SGCZ: variants seen among roughly 807,000 people sequenced by gnomAD.
SGCZ encodes the protein sarcoglycan zeta.
Under a neutral mutation model 41.3 loss-of-function variants are expected in SGCZ, and 40 were observed. The observed-to-expected ratio is 0.97, with a 90% CI of 0.75 to 1.26. SGCZ has a LOEUF of 1.26. SGCZ is among the 50% of genes most tolerant of loss of function. The pLI is 0.00. For missense variants in SGCZ, 552 were observed against 369.8 expected (o/e 1.49, Z -4.04); for synonymous variants, 206 against 137.5 (o/e 1.50, Z -3.49).
intron 2 of SGCZ, among the ~76,000 whole-genome samples, chr8:14,388,530 T>C (rs1200187920): frequency 6.6e-6 from 1 of 152,046 alleles, no homozygotes; most frequent in African/African-American, 2.4e-5. Context: ...AGAAATAAAA[T>C]TCACTGGTCT....
intron 1 of SGCZ, among the ~76,000 whole-genome samples, chr8:14,966,035 C>T (rs1217708292): frequency 6.6e-6 from 1 of 151,952 alleles, no homozygotes; most frequent in Non-Finnish European, 1.5e-5. Context: ...GATGATGTGA[C>T]TTAGTTAACT....
chr8:14,566,776 T>C (rs1482312980), intron 1 of SGCZ, among the ~76,000 whole-genome samples: 1 of 152,210 alleles, frequency 6.6e-6, no homozygotes, highest in Non-Finnish European at 1.5e-5. Context: ...CTTTCTGGGC[T>C]GGCCAAGGCC....
In SGCZ at chr8:14,668,191, C is replaced by A. The variant is rs532205246; in HGVS notation, c.40-113265G>T. Among the ~76,000 whole-genome samples the A allele has an allele frequency of 8.5e-5, 13 of 152,256 alleles. No homozygotes were observed. The South Asian group carries it at 1.7e-3, about 19-fold the overall frequency. On this transcript the variant is annotated intron_variant, in intron 1 of 7. Transcript: ENST00000382080. ...GCCAGGCTAGTCTCAAACTCCTGACCTCAGGTTATCCACCCATCTCAGCCT... is the reference window on the plus strand; with the variant it reads ...GCCAGGCTAGTCTCAAACTCCTGACATCAGGTTATCCACCCATCTCAGCCT...
chr8:14,237,617 C>A lies in SGCZ; in HGVS notation c.399G>T (p.Gly133=). ...NVTVNARNHM[G]QLTGQLTIGA... The stretch of plus-strand genomic sequence containing the variant: ...CTATGGTCAGCTGTCCGGTTAACTG[C>A]CCCATGTGATTTCTTGCATTCACTG... Residue 133 remains glycine (G), a synonymous_variant, in exon 4 of 8, where the codon GGG becomes GGT. Transcript: ENST00000382080. 3 of 1,613,896 alleles carry A rather than the reference C, an allele frequency of 1.9e-6. No individual in the cohort carries two copies. The highest frequency in any genetic ancestry group is 2.2e-5 in the South Asian group (2 of 91,076).
intron 1 of SGCZ, among the ~76,000 whole-genome samples, chr8:15,045,074 G>C (rs1804252050): frequency 6.6e-6 from 1 of 150,478 alleles, no homozygotes; most frequent in African/African-American, 2.4e-5. Context: ...AATCTCTTGA[G>C]CTTTTTATAT....
chr8:15,044,509 A>C (rs1206019552), intron 1 of SGCZ, among the ~76,000 whole-genome samples: 1 of 152,190 alleles, frequency 6.6e-6, no homozygotes. Context: ...ATACAGAATC[A>C]GGAATGATTA....
chr8:14,102,165 C>G (rs547355591), intron 7 of SGCZ, among the ~76,000 whole-genome samples: 23 of 150,078 alleles, frequency 1.5e-4, no homozygotes, highest in Non-Finnish European at 2.5e-4. Context: ...TTCTTGATCT[C>G]CTGACCTCGT....
intron 1 of SGCZ, among the ~76,000 whole-genome samples, chr8:15,022,296 T>C (rs544739564): frequency 6.6e-6 from 1 of 152,308 alleles, no homozygotes; most frequent in East Asian, 1.9e-4. Flanking sequence ...TGTTGAGAAA[T>C]TTAGATCCAA....
chr8:15,043,147 T>C lies in SGCZ; in HGVS notation c.39+194438A>G, dbSNP rs941836402. Among the ~76,000 whole-genome samples the C allele has an allele frequency of 1.5e-4, 23 of 152,326 alleles. 1 individual carries two copies. The South Asian group carries it at 2.3e-3, about 15-fold the overall frequency. ...GTTTGGGAGTCCTAAGGGGTATCTCTATTAAGGAAGACAAGGATGTTGTTT... is the reference window on the plus strand; with the variant it reads ...GTTTGGGAGTCCTAAGGGGTATCTCCATTAAGGAAGACAAGGATGTTGTTT... On this transcript the variant is annotated intron_variant, in intron 1 of 7. Coordinates refer to ENST00000382080, the MANE Select transcript of SGCZ (RefSeq NM_139167.4).
intron 2 of SGCZ, among the ~76,000 whole-genome samples, chr8:14,383,113 C>T (rs1344901637): frequency 1.3e-5 from 2 of 152,112 alleles, no homozygotes; most frequent in African/African-American, 4.8e-5. Flanking sequence ...TCTGGCCCAG[C>T]CATTCACCAA....
chr8:14,875,648 T>C (rs1420204718), intron 1 of SGCZ, among the ~76,000 whole-genome samples: 1 of 152,188 alleles, frequency 6.6e-6, no homozygotes, highest in African/African-American at 2.4e-5. Flanking sequence ...GGCTAGGACC[T>C]GGTTATCTCT....
At chr8:14,898,474 A>C (rs1805285796) in intron 1 of SGCZ, among the ~76,000 whole-genome samples, 2 of 152,214 alleles carry the variant, frequency 1.3e-5, no homozygotes. Flanking sequence ...TTATTCTGAG[A>C]AGATATTGGG....
chr8:14,285,882 G>T (rs1174977720), intron 3 of SGCZ, among the ~76,000 whole-genome samples: 1 of 152,026 alleles, frequency 6.6e-6, no homozygotes, highest in Non-Finnish European at 1.5e-5. Flanking sequence ...TACCATTGCT[G>T]ACAATTTTAT....
chr8:14,701,051 G>C lies in SGCZ; in HGVS notation c.40-146125C>G, dbSNP rs115616171. On this transcript the variant is annotated intron_variant, in intron 1 of 7. Coordinates refer to ENST00000382080, the MANE Select transcript of SGCZ (RefSeq NM_139167.4). ...AAATTAAGTGAGTTACAAAGTTTTA[G>C]TGAAAGAAAGTAGGAACTGGAGTGT... Among the ~76,000 whole-genome samples the C allele has an allele frequency of 1.1e-3, 170 of 152,062 alleles. 2 individuals are homozygous for C. Among genetic ancestry groups the C allele is most frequent in the African/African-American group, 3.8e-3 (159 of 41,510 alleles).
chr8:14,086,579 T>C lies in SGCZ; in HGVS notation c.*3864A>G. Among the ~76,000 whole-genome samples the C allele has an allele frequency of 6.6e-6, 1 of 151,724 alleles. No individual in the cohort carries two copies. Among genetic ancestry groups the C allele is most frequent in the Non-Finnish European group, 1.5e-5 (1 of 67,740 alleles). On this transcript the variant is annotated 3_prime_UTR_variant, in exon 8 of 8. Coordinates refer to ENST00000382080, the MANE Select transcript of SGCZ (RefSeq NM_139167.4). ...GGAGGTAATAATCACAGAATGTTCA[T>C]ATTTGGTTAATATTTCTATTAATTT...
intron 5 of SGCZ, among the ~76,000 whole-genome samples, chr8:14,148,166 C>G (rs1803585529): frequency 6.6e-6 from 1 of 151,844 alleles, no homozygotes; most frequent in South Asian, 2.1e-4. Context: ...ATGTGGAAAC[C>G]AAACCCAAAA....
intron 1 of SGCZ, among the ~76,000 whole-genome samples, chr8:14,742,140 G>C (rs952951924): frequency 1.3e-5 from 2 of 151,902 alleles, no homozygotes; most frequent in Non-Finnish European, 2.9e-5. Context: ...AGAAACATGA[G>C]CCTAAAGTTT....
chr8:14,622,715 T>G (rs990034207), intron 1 of SGCZ, among the ~76,000 whole-genome samples: 1 of 152,138 alleles, frequency 6.6e-6, no homozygotes, highest in Non-Finnish European at 1.5e-5. Context: ...ACAATGACAT[T>G]AAGTGAGAAT....
At position 14,434,895 on chromosome 8, in the gene SGCZ, T is replaced by C. The variant is rs150716027; in HGVS notation, c.235-110691A>G. 5.2e-3 allele frequency among the ~76,000 whole-genome samples: 797 copies of C among 152,274 alleles called. 6 individuals carry two copies. Among genetic ancestry groups the C allele is most frequent in the African/African-American group, 0.017 (712 of 41,560 alleles). Reference sequence around the variant, plus strand: ...ATGTAGTGAGCTGTGATCGTGCCACTGCACTCAAGTGGAGAGCAAGTCCTC... The same window carrying C: ...ATGTAGTGAGCTGTGATCGTGCCACCGCACTCAAGTGGAGAGCAAGTCCTC... On this transcript the variant is annotated intron_variant, in intron 2 of 7. Transcript: ENST00000382080.
Sources: allele counts gnomAD v4.1 joint callset (sites outside exome capture counted in the v4.1 genomes callset), GRCh38; gene constraint gnomAD v4.1.1; transcripts MANE v1.5; gene names NCBI Gene and HGNC (gene_info 2026-07-23, HGNC 2026-07-21).